Variants in EPM2A observed in about 807,000 individuals in gnomAD.
The protein encoded by EPM2A is laforin.
Under a neutral mutation model 26.5 loss-of-function variants are expected in EPM2A, and 21 were observed. The observed-to-expected ratio is 0.79, with a 90% CI of 0.56 to 1.14. The LOEUF is 1.14. Among genes scored for constraint, EPM2A ranks in the 50% most tolerant of loss-of-function variants. The pLI is 0.00. For missense variants in EPM2A, 458 were observed against 440.8 expected, an observed-to-expected ratio of 1.04 and a Z score of -0.35; for synonymous variants, 217 against 177.6, an observed-to-expected ratio of 1.22 and a Z score of -1.76.
chr6:145,412,456 C>T (rs1778657079), intron 4 of EPM2A, among the ~76,000 whole-genome samples: 2 of 152,082 alleles, frequency 1.3e-5, no homozygotes, highest in South Asian at 4.1e-4. Context: ...TGTAAGTACT[C>T]CATGGGGGAC....
intron 2 of EPM2A, among the ~76,000 whole-genome samples, chr6:145,549,934 G>C (rs1780631646): frequency 6.6e-6 from 1 of 152,070 alleles, no homozygotes; most frequent in South Asian, 2.1e-4. Context: ...TATAATACCT[G>C]AGCAAGAGCA....
chr6:145,625,609 T>C lies in EPM2A; in HGVS notation c.*1807A>G. On this transcript the variant is annotated 3_prime_UTR_variant, in exon 4 of 4. Transcript: ENST00000367519. ...TATGACTGTAAATGAGTTACCTGAA[T>C]ACCAATTATTACCTCTAGTTATTTT... is the stretch of plus-strand genomic sequence containing the variant. 1.4e-6 allele frequency: 1 copy of C among 716,810 alleles called. No homozygotes were observed. Among genetic ancestry groups the C allele is most frequent in the South Asian group, 1.5e-5 (1 of 67,390 alleles). 44.4% of individuals were successfully genotyped at this position (716,810 alleles called of 1,614,324 possible). A position where few individuals can be genotyped will look rare whatever the true frequency, so the allele number is the denominator to read the frequency against.
chr6:145,674,350 A>C (rs1359323236), intron 2 of EPM2A, among the ~76,000 whole-genome samples: 1 of 152,212 alleles, frequency 6.6e-6, no homozygotes, highest in Non-Finnish European at 1.5e-5. Flanking sequence ...AGGAGAAGTT[A>C]AAAATTCTAA....
rs79115474 is a variant in EPM2A, at chr6:145,528,442, C to T, written c.341-25867G>A. Among the ~76,000 whole-genome samples the T allele has an allele frequency of 3.3e-5, 5 of 152,180 alleles. No homozygotes were observed. The East Asian group carries it at 5.8e-4, about 18-fold the overall frequency. The stretch of plus-strand genomic sequence containing the variant: ...TGGTGATTTTGAATTGAAAACAATG[C>T]TCATTTATCATTTCAAAAATGTTAG... On this transcript the variant is annotated intron_variant, in intron 2 of 3. Coordinates refer to the EPM2A transcript ENST00000450221.
chr6:145,453,058 A>G (rs1779217305), intron 4 of EPM2A, among the ~76,000 whole-genome samples: 1 of 152,270 alleles, frequency 6.6e-6, no homozygotes, highest in South Asian at 2.1e-4. Context: ...CTGTAATCCT[A>G]TATTTATTGT....
chr6:145,554,465 T>C (rs561354702), intron 2 of EPM2A, among the ~76,000 whole-genome samples: 2 of 150,986 alleles, frequency 1.3e-5, no homozygotes, highest in Non-Finnish European at 2.9e-5. Context: ...GATAGATAGA[T>C]AGATACATAG....
chr6:145,489,215 A>G (rs1779724209), intron 4 of EPM2A, among the ~76,000 whole-genome samples: 1 of 152,278 alleles, frequency 6.6e-6, no homozygotes, highest in South Asian at 2.1e-4. Flanking sequence ...TGTGTTTCCT[A>G]TATAGTCAAT....
chr6:145,555,888 T>C (rs1444086295), intron 2 of EPM2A, among the ~76,000 whole-genome samples: 1 of 152,148 alleles, frequency 6.6e-6, no homozygotes, highest in Non-Finnish European at 1.5e-5. Context: ...ACCTTTCTGA[T>C]GTAAACAACT....
At chr6:145,392,769 T>C (rs1168967822) in intron 4 of EPM2A, among the ~76,000 whole-genome samples, 3 of 152,142 alleles carry the variant, frequency 2.0e-5, no homozygotes, top group Non-Finnish European at 4.4e-5. Context: ...CTCCAGATGT[T>C]AGCGGGACTA....
At chr6:145,383,921 A>G (rs1465846375) in exon 5 of EPM2A, 1 of 152,216 alleles carries the variant, frequency 6.6e-6, no homozygotes, top group Non-Finnish European at 1.5e-5. Flanking sequence ...GATCTGTTAA[A>G]TCATGTTGAT....
intron 1 of EPM2A, among the ~76,000 whole-genome samples, chr6:145,704,659 T>C (rs1206035926): frequency 1.3e-5 from 2 of 152,154 alleles, no homozygotes; most frequent in African/African-American, 2.4e-5. Context: ...TCACACCATA[T>C]AACCCCTCCT....
At chr6:145,469,507 CAA>C (rs1684024839) in intron 4 of EPM2A, among the ~76,000 whole-genome samples, 1 of 151,684 alleles carries the variant, frequency 6.6e-6, no homozygotes, top group Non-Finnish European at 1.5e-5. Flanking sequence ...GGCTTATATC[CAA>C]AAGACAGGGA....
chr6:145,448,121 G>A (rs1037587311), intron 4 of EPM2A, among the ~76,000 whole-genome samples: 2 of 152,136 alleles, frequency 1.3e-5, no homozygotes, highest in African/African-American at 4.8e-5. Context: ...CACAAGAGTA[G>A]TGATTTCACA....
intron 2 of EPM2A, among the ~76,000 whole-genome samples, chr6:145,550,599 A>G (rs408768): frequency 0.45 from 68,242 of 151,652 alleles, 15,379 homozygotes; most frequent in South Asian, 0.58. Flanking sequence ...AAATGACACC[A>G]GTTCATACTG....
intron 2 of EPM2A, among the ~76,000 whole-genome samples, chr6:145,559,126 T>C (rs1335355602): frequency 6.6e-6 from 1 of 152,142 alleles, no homozygotes; most frequent in Non-Finnish European, 1.5e-5. Context: ...AGTAACTTTG[T>C]ATAAAATATA....
At chr6:145,556,734 T>C (rs1424915955) in intron 2 of EPM2A, among the ~76,000 whole-genome samples, 1 of 152,140 alleles carries the variant, frequency 6.6e-6, no homozygotes, top group Non-Finnish European at 1.5e-5. Flanking sequence ...GACCATCACC[T>C]GTTTGCTGAG....
At chr6:145,669,682 G>A (rs1357124455) in intron 2 of EPM2A, among the ~76,000 whole-genome samples, 7 of 152,064 alleles carry the variant, frequency 4.6e-5, no homozygotes, top group African/African-American at 7.2e-5. Flanking sequence ...TCTGGCTAGC[G>A]TCACATAGAA....
intron 4 of EPM2A, among the ~76,000 whole-genome samples, chr6:145,393,958 G>A (rs1229289572): frequency 6.6e-6 from 1 of 151,824 alleles, no homozygotes; most frequent in East Asian, 1.9e-4. Context: ...CAAGCAGCTG[G>A]GACTACAGGT....
intron 2 of EPM2A, among the ~76,000 whole-genome samples, chr6:145,619,942 A>G (rs552528324): frequency 1.4e-4 from 21 of 152,372 alleles, no homozygotes; most frequent in African/African-American, 4.3e-4. Context: ...GAACAAATGC[A>G]AACAGGTCTA....
Sources: allele counts gnomAD v4.1 joint callset (sites outside exome capture counted in the v4.1 genomes callset), GRCh38; gene constraint gnomAD v4.1.1; transcripts MANE v1.5; gene names NCBI Gene and HGNC (gene_info 2026-07-23, HGNC 2026-07-21).